SNTG1: variants seen among roughly 807,000 people sequenced by gnomAD.
SNTG1 encodes syntrophin gamma 1, also known as gamma-1-syntrophin.
SNTG1 carries 39 observed loss-of-function variants against 74.7 expected under a neutral mutation model. That is an observed-to-expected ratio of 0.52 (90% CI 0.40 to 0.68). SNTG1 has a LOEUF of 0.68. Ranked by LOEUF, SNTG1 falls within the 30% of genes least tolerant of loss-of-function variation. The pLI is 0.00. For missense variants in SNTG1, 685 were observed against 609.5 expected, an observed-to-expected ratio of 1.12 and a Z score of -1.30; for synonymous variants, 254 against 217.1, an observed-to-expected ratio of 1.17 and a Z score of -1.49.
intron 18 of SNTG1, among the ~76,000 whole-genome samples, chr8:50,776,206 A>G (rs1465091265): frequency 8.0e-5 from 12 of 150,596 alleles, no homozygotes; most frequent in African/African-American, 2.9e-4. Flanking sequence ...TTTTGAATAT[A>G]TGCTTTTAGA....
chr8:50,205,588 C>A (rs1357954690), intron 2 of SNTG1, among the ~76,000 whole-genome samples: 1 of 151,988 alleles, frequency 6.6e-6, no homozygotes, highest in African/African-American at 2.4e-5. Context: ...CCCATTTGTC[C>A]ATTTTGGCTT....
chr8:50,176,853 T>G (rs921047669), intron 2 of SNTG1, among the ~76,000 whole-genome samples: 1 of 152,188 alleles, frequency 6.6e-6, no homozygotes, highest in African/African-American at 2.4e-5. Context: ...TTGTCTACCC[T>G]AGTAGGTATG....
chr8:50,446,400 G>A (rs1366096087), intron 5 of SNTG1, among the ~76,000 whole-genome samples: 2 of 147,612 alleles, frequency 1.4e-5, no homozygotes, highest in African/African-American at 2.5e-5. Flanking sequence ...AACAGGCCAG[G>A]TGCAGTGGCT....
At chr8:50,390,697 C>G (rs1053971738) in intron 2 of SNTG1, among the ~76,000 whole-genome samples, 7 of 152,164 alleles carry the variant, frequency 4.6e-5, no homozygotes, top group Non-Finnish European at 1.0e-4. Context: ...TCTTCCTACC[C>G]ATGAACATGG....
chr8:50,657,707 C>T (rs142486100), intron 14 of SNTG1, among the ~76,000 whole-genome samples: 6 of 152,190 alleles, frequency 3.9e-5, no homozygotes, highest in African/African-American at 1.4e-4. Context: ...TCATTTATGA[C>T]AAGTCGAACT....
At chr8:50,481,546 A>G (rs2093740789) in intron 8 of SNTG1, among the ~76,000 whole-genome samples, 1 of 152,208 alleles carries the variant, frequency 6.6e-6, no homozygotes, top group South Asian at 2.1e-4. Flanking sequence ...TGAGTAGCAA[A>G]TAATTATGAC....
At chr8:50,755,389 A>T (rs992146450) in intron 18 of SNTG1, among the ~76,000 whole-genome samples, 2 of 151,462 alleles carry the variant, frequency 1.3e-5, no homozygotes, top group African/African-American at 2.4e-5. Context: ...TATTTTACTT[A>T]GTGGTATGAC....
At chr8:49,938,445 A>G (rs1172677062) in intron 1 of SNTG1, among the ~76,000 whole-genome samples, 3 of 152,166 alleles carry the variant, frequency 2.0e-5, no homozygotes, top group Non-Finnish European at 4.4e-5. Flanking sequence ...TCATCACTAC[A>G]TAGACAGGAT....
At chr8:50,459,622 G>A (rs903334018) in intron 8 of SNTG1, among the ~76,000 whole-genome samples, 1 of 151,912 alleles carries the variant, frequency 6.6e-6, no homozygotes, top group Non-Finnish European at 1.5e-5. Context: ...AAGACCCGTC[G>A]CTCAGGTAGT....
chr8:50,109,139 G>A (rs116582529), intron 1 of SNTG1, among the ~76,000 whole-genome samples: 93 of 152,166 alleles, frequency 6.1e-4, no homozygotes, highest in African/African-American at 2.2e-3. Flanking sequence ...TTCCTTTTCT[G>A]GAAGTTCATA....
chr8:50,008,142 T>TA (rs1416002748), intron 1 of SNTG1, among the ~76,000 whole-genome samples: 9 of 149,594 alleles, frequency 6.0e-5, no homozygotes, highest in African/African-American at 1.0e-4. Flanking sequence ...AAAGAATTTA[T>TA]GGAAAAAAAC....
At chr8:50,035,382 T>A (rs1392756116) in intron 1 of SNTG1, among the ~76,000 whole-genome samples, 2 of 152,166 alleles carry the variant, frequency 1.3e-5, no homozygotes, top group Non-Finnish European at 2.9e-5. Flanking sequence ...TCAAAGCTAC[T>A]TACCTCTCCC....
At chr8:50,126,827 G>A (rs1053110844) in intron 1 of SNTG1, among the ~76,000 whole-genome samples, 6 of 152,124 alleles carry the variant, frequency 3.9e-5, no homozygotes, top group African/African-American at 1.2e-4. Context: ...GCCAGTAAAG[G>A]TCCAAGTCTG....
chr8:50,661,080 A>G (rs534866778), intron 15 of SNTG1, among the ~76,000 whole-genome samples: 2 of 152,318 alleles, frequency 1.3e-5, no homozygotes, highest in East Asian at 3.9e-4. Flanking sequence ...GAATGGTTTA[A>G]TAGAAAATTA....
chr8:50,528,089 A>G (rs1485551216), intron 9 of SNTG1, among the ~76,000 whole-genome samples: 2 of 151,986 alleles, frequency 1.3e-5, no homozygotes, highest in African/African-American at 2.4e-5. Flanking sequence ...ATCTGCAAAT[A>G]AGGTTTTGCT....
At chr8:50,250,213 GAAGA>G (rs1364115933) in intron 2 of SNTG1, among the ~76,000 whole-genome samples, 3 of 151,116 alleles carry the variant, frequency 2.0e-5, no homozygotes, top group South Asian at 2.1e-4. Flanking sequence ...AGATCAAGCA[GAAGA>G]AAGAATCTCT....
At chr8:50,601,045 C>T (rs1014378870) in intron 13 of SNTG1, among the ~76,000 whole-genome samples, 2 of 149,862 alleles carry the variant, frequency 1.3e-5, no homozygotes, top group Admixed American at 1.3e-4. Context: ...GTGGCATGCA[C>T]CTGTAGTCCC....
At chr8:50,266,301 G>A (rs7017642) in intron 2 of SNTG1, among the ~76,000 whole-genome samples, 49,609 of 151,886 alleles carry the variant, frequency 0.33, 8,601 homozygotes, top group African/African-American at 0.45. Context: ...ATGCCAAATT[G>A]ATTTTCAACA....
intron 2 of SNTG1, among the ~76,000 whole-genome samples, chr8:50,341,123 AG>A (rs557325481): frequency 1.3e-5 from 2 of 151,940 alleles, no homozygotes; most frequent in Non-Finnish European, 2.9e-5. Flanking sequence ...GGCCAACTGT[AG>A]GCAATGCAGC....
Sources: allele counts gnomAD v4.1 joint callset (sites outside exome capture counted in the v4.1 genomes callset), GRCh38; gene constraint gnomAD v4.1.1; transcripts MANE v1.5; gene names NCBI Gene and HGNC (gene_info 2026-07-23, HGNC 2026-07-21).